LRRC63: variants seen among roughly 807,000 people sequenced by gnomAD.
LRRC63 encodes the protein leucine rich repeat containing 63.
A neutral mutation model predicts 49.5 loss-of-function variants in LRRC63; 40 were observed. The observed-to-expected ratio is 0.81, with a 90% CI of 0.63 to 1.05. The LOEUF (loss-of-function observed/expected upper bound fraction) is 1.05. LRRC63 is among the 50% of genes least tolerant of loss of function. The pLI is 0.00. For synonymous variants in LRRC63, 191 were observed against 221.1 expected, an observed-to-expected ratio of 0.86 and a Z score of 1.21; for missense variants, 636 against 663.1, an observed-to-expected ratio of 0.96 and a Z score of 0.45.
chr13:46,234,173 T>G lies in LRRC63; in HGVS notation c.833-19T>G. On this transcript the variant is annotated intron_variant, in intron 4 of 9. Transcript: ENST00000595396. ...TAACACATTTAAATTTTATGTTTTG[T>G]TTTGTTTTGTTTATTTAGGTCTCAC... 6.5e-7 allele frequency: 1 copy of G among 1,537,686 alleles called. No homozygotes were observed. The highest frequency in any genetic ancestry group is 8.8e-7 in the Non-Finnish European group (1 of 1,138,034).
At chr13:46,214,670 C>G (rs1201502894) in intron 2 of LRRC63, among the ~76,000 whole-genome samples, 1 of 151,008 alleles carries the variant, frequency 6.6e-6, no homozygotes, top group Non-Finnish European at 1.5e-5. Flanking sequence ...AAGCAGGATA[C>G]ATGCACAGAA....
At chr13:46,226,651 G>C (rs2046585244) in intron 2 of LRRC63, among the ~76,000 whole-genome samples, 1 of 152,164 alleles carries the variant, frequency 6.6e-6, no homozygotes, top group Non-Finnish European at 1.5e-5. Flanking sequence ...TCCATGGGGA[G>C]GGAAAAATCA....
At chr13:46,257,583 A>G (rs1366878595) in intron 7 of LRRC63, among the ~76,000 whole-genome samples, 1 of 152,202 alleles carries the variant, frequency 6.6e-6, no homozygotes, top group East Asian at 1.9e-4. Flanking sequence ...AACAAACAGT[A>G]AAAGGGAGTG....
rs747143077 is a variant in LRRC63 at position 46,270,394 on chromosome 13, C to A, written c.1550+3422C>A. ...TCTGTAAGATTTACTGCTCAGATGG[C>A]GAAGAATATACTGTATCTAGTTGTG... On this transcript the variant is annotated intron_variant, in intron 9 of 9. Coordinates refer to ENST00000595396, the Ensembl canonical transcript of LRRC63. 5.1e-5 allele frequency: 43 copies of A among 838,142 alleles called. 1 individual carries two copies. The highest frequency in any genetic ancestry group is 7.6e-5 in the Non-Finnish European group (36 of 474,440). 51.9% of individuals were successfully genotyped at this position (838,142 alleles called of 1,614,324 possible). A position where few individuals can be genotyped will look rare whatever the true frequency, so the allele number is the denominator to read the frequency against.
intron 9 of LRRC63, among the ~76,000 whole-genome samples, chr13:46,271,053 T>C (rs2047751310): frequency 6.6e-6 from 1 of 152,182 alleles, no homozygotes; most frequent in African/African-American, 2.4e-5. Flanking sequence ...GAGGGTACCA[T>C]AAACGAATCA....
chr13:46,235,527 C>T (rs966697671), intron 5 of LRRC63, among the ~76,000 whole-genome samples: 5 of 151,764 alleles, frequency 3.3e-5, no homozygotes, highest in Non-Finnish European at 7.4e-5. Context: ...AAACAAACCC[C>T]AAAGAGAGGG....
At chr13:46,276,913 A>ACTGCATATATAT (rs1314607186) in exon 10 of LRRC63, 1 of 164,302 alleles carries the variant, frequency 6.1e-6, no homozygotes, top group South Asian at 2.1e-4. Flanking sequence ...ACTGGCTTTT[A>ACTGCATATATAT]CTGCATATAT....
exon 3 of LRRC63, chr13:46,228,078 G>A: frequency 6.4e-7 from 1 of 1,550,982 alleles, no homozygotes. Flanking sequence ...ACAGTGGCCT[G>A]AACATTTTAA....
intron 7 of LRRC63, 142 bp from the exon 8 acceptor site, chr13:46,261,767 T>C (rs2047618613): frequency 3.0e-6 from 1 of 337,902 alleles, no homozygotes; most frequent in Admixed American, 4.9e-5. Context: ...AATTACACGA[T>C]CTATAATGAA....
At chr13:46,255,228 A>G (rs1056728904) in intron 7 of LRRC63, among the ~76,000 whole-genome samples, 16 of 152,128 alleles carry the variant, frequency 1.1e-4, no homozygotes, top group Non-Finnish European at 2.1e-4. Flanking sequence ...ATTTACAGAC[A>G]CAGAAAGTGG....
At chr13:46,258,100 A>C (rs1181339246) in intron 7 of LRRC63, among the ~76,000 whole-genome samples, 1 of 148,740 alleles carries the variant, frequency 6.7e-6, no homozygotes, top group Non-Finnish European at 1.5e-5. Context: ...TATGCTACAA[A>C]CTCTAGCAAG....
chr13:46,226,518 AG>A (rs2046581149), intron 2 of LRRC63, among the ~76,000 whole-genome samples: 2 of 152,342 alleles, frequency 1.3e-5, no homozygotes, highest in Non-Finnish European at 2.9e-5. Context: ...TACAAGTATC[AG>A]TCAGGGAGGT....
At chr13:46,227,942 G>A in exon 3 of LRRC63, 1 of 1,550,620 alleles carries the variant, frequency 6.4e-7, no homozygotes, top group South Asian at 1.2e-5. Context: ...AAAAACTTGA[G>A]AAAATGCACC....
At chr13:46,274,989 C>T (rs1156642160) in intron 9 of LRRC63, among the ~76,000 whole-genome samples, 5 of 152,128 alleles carry the variant, frequency 3.3e-5, no homozygotes, top group Admixed American at 2.0e-4. Flanking sequence ...CTATCCTCCT[C>T]TTCCTCTTAC....
At chr13:46,228,212 A>G (rs2046635531) in intron 3 of LRRC63, 23 bp downstream of exon 3, 2 of 1,489,328 alleles carry the variant, frequency 1.3e-6, no homozygotes, top group Admixed American at 2.1e-5. Flanking sequence ...TGAACACGGT[A>G]TAATTATAGA....
At chr13:46,262,217 C>T (rs926005552) in intron 8 of LRRC63, among the ~76,000 whole-genome samples, 3 of 152,064 alleles carry the variant, frequency 2.0e-5, no homozygotes, top group African/African-American at 2.4e-5. Flanking sequence ...CTTAACAGAA[C>T]GATAAGCTAC....
intron 9 of LRRC63, among the ~76,000 whole-genome samples, chr13:46,272,814 A>G (rs1048599253): frequency 6.6e-6 from 1 of 152,234 alleles, no homozygotes; most frequent in Admixed American, 6.5e-5. Context: ...ACATTTTATT[A>G]AGTAAAAAAA....
rs2047217149 is a variant in LRRC63, at chr13:46,246,514, C to T, written c.991-13C>T. 2 of 1,371,400 alleles carry T rather than the reference C, an allele frequency of 1.5e-6. No homozygotes were observed. The highest frequency in any genetic ancestry group is 3.0e-5 in the African/African-American group (2 of 66,884). The allele number at this position is 1,371,400 out of a possible 1,614,324, so 85.0% of individuals were successfully genotyped here. A position where few individuals can be genotyped will look rare whatever the true frequency, so the allele number is the denominator to read the frequency against. On this transcript the variant is annotated splice_polypyrimidine_tract_variant and intron_variant, in intron 5 of 9. Coordinates refer to ENST00000595396, the Ensembl canonical transcript of LRRC63. Reference sequence around the variant, plus strand: ...TAGTGATTAACACCTTATCTCTTGTCACTTTCTTTTAGGGCTTTTTTATCC... The same window carrying T: ...TAGTGATTAACACCTTATCTCTTGTTACTTTCTTTTAGGGCTTTTTTATCC...
intron 9 of LRRC63, among the ~76,000 whole-genome samples, chr13:46,269,617 A>G (rs2047727242): frequency 6.6e-6 from 1 of 152,078 alleles, no homozygotes; most frequent in East Asian, 1.9e-4. Context: ...GTATGACTTC[A>G]TGGTAGGCAG....
Sources: allele counts gnomAD v4.1 joint callset (sites outside exome capture counted in the v4.1 genomes callset), GRCh38; gene constraint gnomAD v4.1.1; transcripts MANE v1.5; gene names NCBI Gene and HGNC (gene_info 2026-07-23, HGNC 2026-07-21).